DNAH8: variants seen among roughly 807,000 people sequenced by gnomAD.
DNAH8 encodes dynein axonemal heavy chain 8, also known as axonemal beta dynein heavy chain 8.
DNAH8 carries 382 observed loss-of-function variants against 562.1 expected under a neutral mutation model. That is an observed-to-expected ratio of 0.68 (90% CI 0.63 to 0.74). DNAH8 has a LOEUF of 0.74. Among genes scored for constraint, DNAH8 ranks in the 30% least tolerant of loss-of-function variants. DNAH8 has a pLI of 0.00. For synonymous variants in DNAH8, 1,881 were observed against 1,919.4 expected, an observed-to-expected ratio of 0.98 and a Z score of 0.52; for missense variants, 5,203 against 5,620.4, an observed-to-expected ratio of 0.93 and a Z score of 2.37.
intron 33 of DNAH8, among the ~76,000 whole-genome samples, chr6:38,840,790 G>C (rs1774717113): frequency 6.6e-6 from 1 of 152,092 alleles, no homozygotes; most frequent in Non-Finnish European, 1.5e-5. Context: ...TATTAAACAA[G>C]CAAAAATCAA....
chr6:38,818,300 T>C (rs919441421), intron 26 of DNAH8, among the ~76,000 whole-genome samples: 3 of 152,060 alleles, frequency 2.0e-5, no homozygotes, highest in African/African-American at 7.2e-5. Flanking sequence ...TATATATTTT[T>C]CTATTATTGT....
At chr6:38,743,748 A>G (rs921702024) in intron 8 of DNAH8, among the ~76,000 whole-genome samples, 1 of 152,196 alleles carries the variant, frequency 6.6e-6, no homozygotes. Flanking sequence ...TTGTATGAAT[A>G]TACCACATTT....
At chr6:38,910,001 C>T (rs1171469478) in intron 65 of DNAH8, among the ~76,000 whole-genome samples, 1 of 152,198 alleles carries the variant, frequency 6.6e-6, no homozygotes, top group African/African-American at 2.4e-5. Flanking sequence ...TAATGAATTA[C>T]TTTATTTCAT....
intron 89 of DNAH8, among the ~76,000 whole-genome samples, chr6:39,010,237 A>G (rs551881146): frequency 7.2e-5 from 11 of 152,292 alleles, no homozygotes; most frequent in African/African-American, 1.7e-4. Context: ...TTCCAAGATC[A>G]CTTACTTTTT....
chr6:38,832,886 A>G (rs1773960174), intron 31 of DNAH8, among the ~76,000 whole-genome samples: 1 of 151,932 alleles, frequency 6.6e-6, no homozygotes, highest in African/African-American at 2.4e-5. Context: ...GAGATTGTGG[A>G]AGGAACAAAG....
rs1311854344 is a variant in DNAH8, at chr6:38,873,054, C to T, written c.7386C>T (p.Val2462=). Residue 2462 remains valine (V), a synonymous_variant, in exon 51 of 93, where the codon GTC becomes GTT. Coordinates refer to ENST00000327475, the MANE Select transcript of DNAH8 (RefSeq NM_001206927.2). The stretch of plus-strand genomic sequence containing the variant: ...CTAGTTGTAAGCTTCTGTTTGAAGT[C>T]CACAATATCGAGAACGCCTCTCCTG... The part of the protein sequence containing the change: ...MAPSCKLLFE[V]HNIENASPAT... 1 of 1,614,012 alleles carries T rather than the reference C, an allele frequency of 6.2e-7. No homozygotes were observed. The highest frequency in any genetic ancestry group is 1.7e-5 in the Admixed American group (1 of 60,002).
At chr6:38,901,591 T>G (rs190546966) in intron 62 of DNAH8, among the ~76,000 whole-genome samples, 18 of 152,288 alleles carry the variant, frequency 1.2e-4, no homozygotes, top group Admixed American at 3.3e-4. Context: ...GTATATATAT[T>G]TAAATTTAAC....
intron 88 of DNAH8, among the ~76,000 whole-genome samples, chr6:38,996,061 C>T (rs952270990): frequency 2.0e-5 from 3 of 152,148 alleles, no homozygotes; most frequent in Non-Finnish European, 2.9e-5. Context: ...TCCTGCTGTC[C>T]GGCTTAGCAG....
chr6:38,822,853 C>G lies in DNAH8; in HGVS notation c.3539C>G (p.Ala1180Gly). The G allele has an allele frequency of 6.3e-7, 1 of 1,593,348 alleles. No homozygotes were observed. The highest frequency in any genetic ancestry group is 1.4e-5 in the African/African-American group (1 of 74,008). The change falls in exon 27 of 93, where the codon GCT (alanine) becomes GGT (glycine). Residue 1180 changes from alanine to glycine, a missense_variant. By Grantham distance (60) the Ala-to-Gly change is moderately conservative (BLOSUM62 0). Coordinates refer to ENST00000327475, the MANE Select transcript of DNAH8 (RefSeq NM_001206927.2). ...CTGTTTTCAGGATCTTTTGAAGAAG[C>G]TATTCCTGCGAGGAAGCTGAAGAAT... ...LKKEERSFEE[A>G]IPARKLKNFY...
At chr6:38,738,775 C>G (rs745890123) in intron 7 of DNAH8, among the ~76,000 whole-genome samples, 1 of 152,132 alleles carries the variant, frequency 6.6e-6, no homozygotes, top group African/African-American at 2.4e-5. Context: ...GAGGACTCCC[C>G]TAGGGTCTAG....
chr6:38,970,823 A>G (rs1347932266), intron 82 of DNAH8, among the ~76,000 whole-genome samples: 1 of 152,202 alleles, frequency 6.6e-6, no homozygotes, highest in Non-Finnish European at 1.5e-5. Context: ...TTCCAATTGC[A>G]GTTGTGCAAA....
At chr6:38,717,457 G>A (rs542471183) in intron 1 of DNAH8, among the ~76,000 whole-genome samples, 26 of 152,124 alleles carry the variant, frequency 1.7e-4, no homozygotes, top group South Asian at 1.0e-3. Context: ...CGAAGTAGCT[G>A]GGACTACAGG....
At chr6:38,875,133 C>G (rs1777897312) in intron 52 of DNAH8, among the ~76,000 whole-genome samples, 1 of 152,154 alleles carries the variant, frequency 6.6e-6, no homozygotes, top group South Asian at 2.1e-4. Flanking sequence ...TGTGTGTGTT[C>G]CAGTAAAACT....
intron 4 of DNAH8, among the ~76,000 whole-genome samples, chr6:38,731,887 T>C (rs967617033): frequency 6.6e-6 from 1 of 152,182 alleles, no homozygotes; most frequent in African/African-American, 2.4e-5. Context: ...GCTAATGTTT[T>C]GTATTTTTAG....
intron 47 of DNAH8, among the ~76,000 whole-genome samples, chr6:38,867,680 G>A (rs906921248): frequency 2.0e-5 from 3 of 150,612 alleles, no homozygotes; most frequent in African/African-American, 7.3e-5. Context: ...TTGAACCCGG[G>A]AGGTGGTGGT....
chr6:38,856,853 G>A (rs1188950533), intron 41 of DNAH8, among the ~76,000 whole-genome samples: 2 of 152,110 alleles, frequency 1.3e-5, no homozygotes, highest in Admixed American at 1.3e-4. Context: ...GAGAGCTCCT[G>A]AAGGGACAAC....
intron 37 of DNAH8, among the ~76,000 whole-genome samples, chr6:38,849,433 T>C (rs1489411051): frequency 6.6e-6 from 1 of 152,068 alleles, no homozygotes; most frequent in Admixed American, 6.6e-5. Context: ...TAAATGCCAA[T>C]AACTGTAATA....
rs1302940617 is a variant in DNAH8, at chr6:38,873,138, A to G, written c.7470A>G (p.Pro2490=). 1.9e-6 allele frequency: 3 copies of G among 1,613,508 alleles called. No homozygotes were observed. The highest frequency in any genetic ancestry group is 2.2e-5 in the South Asian group (2 of 91,078). ...YISSSALSWR[P]ILQAWLKKRT... ...GCAGCTCTGCTCTCAGCTGGAGGCC[A>G]ATCTTACAGGTGGGGCAGAGAGATG... Residue 2490 remains proline, a synonymous_variant, in exon 51 of 93, where the codon CCA becomes CCG. Coordinates refer to ENST00000327475, the MANE Select transcript of DNAH8 (RefSeq NM_001206927.2).
chr6:38,898,151 A>G, intron 60 of DNAH8, 107 bp from the exon 61 acceptor site: 1 of 1,017,462 alleles, frequency 9.8e-7, no homozygotes, highest in Admixed American at 2.8e-5. Context: ...AACGTTTAAA[A>G]AAAGATATGT....
Sources: gnomAD v4.1 joint callset for allele counts (sites outside exome capture counted in the v4.1 genomes callset) on GRCh38, gnomAD v4.1.1 for gene constraint, MANE v1.5 for transcripts, NCBI Gene and HGNC (gene_info 2026-07-23, HGNC 2026-07-21) for gene names.